CHD9: variants seen among roughly 807,000 people sequenced by gnomAD.
CHD9 encodes the protein chromodomain helicase DNA binding protein 9, also known as ATP-dependent chromatin remodeler CHD9.
CHD9 carries 77 observed loss-of-function variants against 316.1 expected under a neutral mutation model. The observed-to-expected ratio is 0.24, with a 90% CI of 0.20 to 0.29. The LOEUF is 0.29. Ranked by LOEUF, CHD9 falls within the 10% of genes least tolerant of loss-of-function variation. CHD9 has a pLI of 1.00. For synonymous variants in CHD9, 1,129 were observed against 1,158.3 expected, an observed-to-expected ratio of 0.97 and a Z score of 0.51; for missense variants, 2,763 against 3,438.1, an observed-to-expected ratio of 0.80 and a Z score of 4.91.
intron 4 of CHD9, among the ~76,000 whole-genome samples, chr16:53,225,897 G>A (rs1025457782): frequency 2.6e-5 from 4 of 151,706 alleles, no homozygotes; most frequent in Non-Finnish European, 5.9e-5. Context: ...CACTTTTTAG[G>A]TTTTGGACTA....
At chr16:53,250,262 T>C in intron 17 of CHD9, 196 bp downstream of exon 17, 1 of 547,650 alleles carries the variant, frequency 1.8e-6, no homozygotes, top group Non-Finnish European at 3.2e-6. Context: ...AATTTTTACT[T>C]TTTTATATGT....
At chr16:53,117,318 T>G (rs1046623061) in intron 1 of CHD9, among the ~76,000 whole-genome samples, 2 of 152,100 alleles carry the variant, frequency 1.3e-5, no homozygotes, top group African/African-American at 4.8e-5. Flanking sequence ...ATTATATATT[T>G]GATATTCAGA....
At chr16:53,270,726 G>A (rs1213468153) in intron 22 of CHD9, among the ~76,000 whole-genome samples, 2 of 152,090 alleles carry the variant, frequency 1.3e-5, no homozygotes, top group African/African-American at 4.8e-5. Context: ...ATATATTAGT[G>A]GTAACTGATT....
At chr16:53,254,668 A>G in intron 18 of CHD9, 63 bp downstream of exon 18, 2 of 1,441,356 alleles carry the variant, frequency 1.4e-6, no homozygotes, top group Non-Finnish European at 1.9e-6. Flanking sequence ...TTTACCTCCA[A>G]TAGTGTGTCA....
At chr16:53,301,821 A>G (rs1472734876) in intron 30 of CHD9, among the ~76,000 whole-genome samples, 1 of 139,466 alleles carries the variant, frequency 7.2e-6, no homozygotes, top group Non-Finnish European at 1.5e-5. Context: ...GCTGGTATGC[A>G]GTGGCGTGAT....
rs1007287365 is a variant in CHD9 at position 53,288,854 on chromosome 16, A to G, written c.5247+840A>G. On this transcript the variant is annotated intron_variant, in intron 27 of 38. Coordinates refer to ENST00000447540, the MANE Select transcript of CHD9 (RefSeq NM_001308319.2). ...GAGTTCGTGATTTGTCTTTTACTTT[A>G]TCTGTGTGGTCCAAGAGCCCTCAGT... Among the ~76,000 whole-genome samples the G allele has an allele frequency of 7.2e-5, 11 of 151,940 alleles. 1 individual carries two copies. Among genetic ancestry groups the G allele is most frequent in the Admixed American group, 2.0e-4 (3 of 15,222 alleles).
In CHD9 at chr16:53,136,556, T is replaced by TAAA. The variant is rs35318410; in HGVS notation, c.-164-19356_-164-19354dup. Among the ~76,000 whole-genome samples, 4 of 141,416 alleles carry TAAA rather than the reference T, an allele frequency of 2.8e-5. No individual in the cohort carries two copies. In the East Asian group the frequency reaches 6.2e-4, roughly 22 times the overall value. 92.8% of individuals were successfully genotyped at this position (141,416 alleles called of 152,430 possible). Reference sequence around the variant, plus strand: ...ATTTAAGGAACTGAGTACCTTTTCCTAAAAAAAAAAAAAAAATCTAGGAAT... The same window carrying TAAA: ...ATTTAAGGAACTGAGTACCTTTTCCTAAAAAAAAAAAAAAAAAAATCTAGGAAT... On this transcript the variant is annotated intron_variant, in intron 1 of 38. Coordinates refer to ENST00000447540, the MANE Select transcript of CHD9 (RefSeq NM_001308319.2).
intron 1 of CHD9, among the ~76,000 whole-genome samples, chr16:53,120,050 A>AC (rs2038618923): frequency 6.9e-6 from 1 of 144,836 alleles, no homozygotes; most frequent in Non-Finnish European, 1.5e-5. Flanking sequence ...ACATAGGAAG[A>AC]CCCCATCTCC....
chr16:53,093,931 A>C (rs1054929827), intron 1 of CHD9, among the ~76,000 whole-genome samples: 46 of 152,150 alleles, frequency 3.0e-4, no homozygotes, highest in African/African-American at 1.1e-3. Flanking sequence ...TTCGATTGCG[A>C]GTGTCCCAGT....
chr16:53,314,251 A>G (rs1042480398), intron 34 of CHD9, 126 bp from the exon 35 acceptor site: 82 of 603,026 alleles, frequency 1.4e-4, no homozygotes, highest in Middle Eastern at 4.9e-4. Context: ...TTTTTAGTCC[A>G]AAAGTTTCTA....
rs1567601516 is a variant in CHD9 at position 53,273,721 on chromosome 16, T to C, written c.4813T>C (p.Tyr1605His). The C allele has an allele frequency of 6.2e-7, 1 of 1,613,278 alleles. No individual in the cohort carries two copies. The highest frequency in any genetic ancestry group is 8.5e-7 in the Non-Finnish European group (1 of 1,179,608). ...DIQKAEWLRKYNPEQLLQDEG... is the reference protein window; with the variant it reads ...DIQKAEWLRKHNPEQLLQDEG... ...ACAAAAAGCAGAATGGCTTCGAAAA[T>C]ATAATCCCGAGCAGCTCCTTCAAGA... The change falls in exon 23 of 39, where the codon TAT becomes CAT. Residue 1605 changes from tyrosine to histidine, a missense_variant. Tyr to His is a moderately conservative substitution (Grantham distance 83). This residue lies in a region of CHD9 where 99 missense variants were observed against 131.6 expected (regional missense o/e 0.75). Transcript: ENST00000447540.
intron 27 of CHD9, among the ~76,000 whole-genome samples, chr16:53,289,642 G>T (rs1043983102): frequency 6.6e-6 from 1 of 152,086 alleles, no homozygotes; most frequent in Non-Finnish European, 1.5e-5. Flanking sequence ...TTATACTATA[G>T]TAATAGATTA....
At chr16:53,218,699 C>T (rs938077901) in intron 3 of CHD9, among the ~76,000 whole-genome samples, 2 of 152,190 alleles carry the variant, frequency 1.3e-5, no homozygotes, top group South Asian at 2.1e-4. Flanking sequence ...TGTGCATTCA[C>T]GTAATTCATT....
intron 1 of CHD9, among the ~76,000 whole-genome samples, chr16:53,091,341 C>G (rs2035929481): frequency 6.6e-6 from 1 of 152,210 alleles, no homozygotes; most frequent in Non-Finnish European, 1.5e-5. Context: ...GTTTCCTCAT[C>G]TGTAAAAAAT....
At chr16:53,198,922 ATTATT>A (rs1370162449) in intron 2 of CHD9, among the ~76,000 whole-genome samples, 2 of 152,096 alleles carry the variant, frequency 1.3e-5, no homozygotes, top group African/African-American at 4.8e-5. Context: ...CCTAGTTTTC[ATTATT>A]TTATAAGTCT....
chr16:53,151,192 T>G, intron 1 of CHD9, among the ~76,000 whole-genome samples: 1 of 141,370 alleles, frequency 7.1e-6, no homozygotes, highest in Admixed American at 7.0e-5. Context: ...TCTTTTTCTT[T>G]TCCCTCCCCT....
chr16:53,267,404 G>A lies in CHD9; in HGVS notation c.4431G>A (p.Lys1477=). 1 of 1,613,074 alleles carries A rather than the reference G, an allele frequency of 6.2e-7. No individual in the cohort carries two copies. Among genetic ancestry groups the A allele is most frequent in the Non-Finnish European group, 8.5e-7 (1 of 1,179,360 alleles). ...AAGCTGAAAGTGAAGGAGATGAAAA[G>A]CCCAAACTCCGGAGACCCTGTGACC... ...LSEAESEGDE[K]PKLRRPCDRS... Residue 1477 remains lysine, a synonymous_variant, in exon 21 of 39, where the codon AAG becomes AAA. Coordinates refer to ENST00000447540, the MANE Select transcript of CHD9 (RefSeq NM_001308319.2).
At chr16:53,077,448 T>A (rs1202198151) in intron 1 of CHD9, among the ~76,000 whole-genome samples, 5 of 152,166 alleles carry the variant, frequency 3.3e-5, no homozygotes, top group African/African-American at 1.2e-4. Context: ...CTCAGCTTCC[T>A]GAGTAGCTGG....
chr16:53,296,844 A>C (rs2054855083), intron 29 of CHD9, 112 bp from the exon 30 acceptor site: 1 of 671,050 alleles, frequency 1.5e-6, no homozygotes, highest in East Asian at 2.8e-5. Flanking sequence ...ATTTAATCCT[A>C]TAGTGTTAGG....
Sources: gnomAD v4.1 joint callset for allele counts (sites outside exome capture counted in the v4.1 genomes callset) on GRCh38, gnomAD v4.1.1 for gene constraint, gnomAD v4.1.1 regional missense constraint, MANE v1.5 for transcripts, NCBI Gene and HGNC (gene_info 2026-07-23, HGNC 2026-07-21) for gene names.